ARHGAP26: variants seen among roughly 807,000 people sequenced by gnomAD.
ARHGAP26 encodes the protein Rho GTPase activating protein 26, also known as rho GTPase-activating protein 26.
A neutral mutation model predicts 104.8 loss-of-function variants in ARHGAP26; 38 were observed. The ratio of observed to expected loss-of-function variants is 0.36; its 90% CI spans 0.28 to 0.48. ARHGAP26 has a LOEUF of 0.48. Among genes scored for constraint, ARHGAP26 ranks in the 20% least tolerant of loss-of-function variants. The pLI is 0.99. For missense variants in ARHGAP26, 704 were observed against 947.9 expected, an observed-to-expected ratio of 0.74 and a Z score of 3.38; for synonymous variants, 341 against 340.0, an observed-to-expected ratio of 1.00 and a Z score of -0.03.
intron 20 of ARHGAP26, among the ~76,000 whole-genome samples, chr5:143,192,284 C>T (rs1806054701): frequency 6.6e-6 from 1 of 152,086 alleles, no homozygotes; most frequent in Admixed American, 6.6e-5. Context: ...CTTTGAGTGG[C>T]GGATGAGCAG....
At chr5:142,869,152 A>G (rs1044634572) in intron 1 of ARHGAP26, among the ~76,000 whole-genome samples, 2 of 150,248 alleles carry the variant, frequency 1.3e-5, no homozygotes, top group Non-Finnish European at 3.0e-5. Context: ...AACCTCAATG[A>G]TGGCCTTTCT....
intron 1 of ARHGAP26, among the ~76,000 whole-genome samples, chr5:142,814,231 CA>C (rs1304340832): frequency 6.6e-6 from 1 of 152,248 alleles, no homozygotes; most frequent in Admixed American, 6.5e-5. Context: ...AGAACTTTGT[CA>C]AGAGTTGGGA....
rs258792 is a variant in ARHGAP26 at position 143,161,580 on chromosome 5, A to G, written c.1988+14199A>G. 8.6e-3 allele frequency among the ~76,000 whole-genome samples: 1,314 copies of G among 152,162 alleles called. 28 individuals carry two copies. Among genetic ancestry groups the G allele is most frequent in the African/African-American group, 0.031 (1,271 of 41,514 alleles). ...CTTAACTCCTGACCTTTATGGAGAT[A>G]TACTAGAGTTACTCAATAATAATTA... On this transcript the variant is annotated intron_variant, in intron 20 of 22. Transcript: ENST00000645722.
chr5:142,775,000 G>A lies in ARHGAP26; in HGVS notation c.154+4085G>A, dbSNP rs142472218. On this transcript the variant is annotated intron_variant, in intron 1 of 22. Transcript: ENST00000645722. Reference sequence around the variant, plus strand: ...TCATCTATTGAAGGACATTTTGGTCGTTTCCAAGTTTTATCAATTATGAAT... The same window carrying A: ...TCATCTATTGAAGGACATTTTGGTCATTTCCAAGTTTTATCAATTATGAAT... Among the ~76,000 whole-genome samples the A allele has an allele frequency of 2.9e-3, 446 of 151,946 alleles. 4 individuals carry two copies. Among genetic ancestry groups the A allele is most frequent in the African/African-American group, 0.01 (423 of 41,410 alleles).
chr5:143,063,516 G>T (rs1042693913), intron 17 of ARHGAP26, among the ~76,000 whole-genome samples: 1 of 152,226 alleles, frequency 6.6e-6, no homozygotes, highest in Non-Finnish European at 1.5e-5. Flanking sequence ...GTCTGGACCA[G>T]ACGTTTTTGG....
chr5:143,014,152 G>T, intron 12 of ARHGAP26, 36 bp downstream of exon 12: 15 of 1,612,768 alleles, frequency 9.3e-6, no homozygotes, highest in Non-Finnish European at 1.3e-5. Flanking sequence ...CTACAGCCAG[G>T]GTTGGGAGTA....
chr5:142,905,644 T>C (rs1014766327), intron 8 of ARHGAP26, among the ~76,000 whole-genome samples: 8 of 152,218 alleles, frequency 5.3e-5, no homozygotes, highest in Admixed American at 4.6e-4. Flanking sequence ...GCATATACCA[T>C]GCTTCTTCAG....
chr5:142,890,187 T>A lies in ARHGAP26; in HGVS notation c.487-4051T>A, dbSNP rs1474143394. Among the ~76,000 whole-genome samples the A allele has an allele frequency of 1.5e-4, 17 of 116,758 alleles. No homozygotes were observed. The South Asian group carries it at 1.9e-3, about 13-fold the overall frequency. The allele number at this position is 116,758 out of a possible 152,430, so 76.6% of individuals were successfully genotyped here. A position where few individuals can be genotyped will look rare whatever the true frequency, so the allele number is the denominator to read the frequency against. On this transcript the variant is annotated intron_variant, in intron 5 of 22. Coordinates refer to ENST00000645722, the MANE Select transcript of ARHGAP26 (RefSeq NM_001135608.3). The stretch of plus-strand genomic sequence containing the variant: ...ATATATATATATATATATATATATA[T>A]ATATATATATGAAAGTGCATTGCAT...
chr5:142,829,140 G>C lies in ARHGAP26; in HGVS notation c.155-44260G>C, dbSNP rs987427313. On this transcript the variant is annotated intron_variant, in intron 1 of 22. Transcript: ENST00000645722. ...AAGGAGAGGAGGCTTTGAGATTTCTGTAACCTTTCTGTCCTCTAGATTTCT... is the reference window on the plus strand; with the variant it reads ...AAGGAGAGGAGGCTTTGAGATTTCTCTAACCTTTCTGTCCTCTAGATTTCT... 7.2e-5 allele frequency among the ~76,000 whole-genome samples: 11 copies of C among 152,202 alleles called. No homozygotes were observed. In the East Asian group the frequency reaches 2.1e-3, roughly 29 times the overall value.
At chr5:142,983,203 A>G (rs1774207953) in intron 11 of ARHGAP26, among the ~76,000 whole-genome samples, 2 of 150,898 alleles carry the variant, frequency 1.3e-5, no homozygotes, top group Non-Finnish European at 1.5e-5. Flanking sequence ...TAAAGATGCT[A>G]TGCTGGTTCG....
intron 17 of ARHGAP26, among the ~76,000 whole-genome samples, chr5:143,067,789 G>T (rs1787712940): frequency 6.6e-6 from 1 of 152,122 alleles, no homozygotes; most frequent in African/African-American, 2.4e-5. Context: ...GAGAAAATGG[G>T]GCACCCTAGG....
chr5:143,054,533 A>T lies in ARHGAP26; in HGVS notation c.1373+7A>T. ...CTCTGAAGACCTACCTAAGGTAGGG[A>T]CTTTCCATTTGCAAGGCAGAGTGCC... On this transcript the variant is annotated splice_region_variant and intron_variant, in intron 15 of 22. Transcript: ENST00000645722. The T allele has an allele frequency of 6.3e-7, 1 of 1,587,758 alleles. No individual in the cohort carries two copies. The highest frequency in any genetic ancestry group is 8.6e-7 in the Non-Finnish European group (1 of 1,160,704).
chr5:143,121,348 A>ACAACAG (rs754864703), intron 18 of ARHGAP26, among the ~76,000 whole-genome samples: 10 of 152,192 alleles, frequency 6.6e-5, no homozygotes, highest in Non-Finnish European at 1.3e-4. Flanking sequence ...AGTTACAATG[A>ACAACAG]CAACAGCCAT....
At chr5:143,030,992 T>TG (rs1213281731) in intron 12 of ARHGAP26, among the ~76,000 whole-genome samples, 1 of 152,184 alleles carries the variant, frequency 6.6e-6, no homozygotes, top group African/African-American at 2.4e-5. Context: ...GAGTGCACAA[T>TG]GGGGGCTTTA....
Position 142,875,132 on chromosome 5 carries a change from C to T in ARHGAP26, c.273C>T (p.Ala91=), listed in dbSNP as rs774671486. Residue 91 remains alanine (A), a synonymous_variant, in exon 3 of 23, where the codon GCC becomes GCT. Coordinates refer to ENST00000645722, the MANE Select transcript of ARHGAP26 (RefSeq NM_001135608.3). ...MCIARSLQEF[A]TVLRNLEDER... is the part of the protein sequence containing the mutation. ...CAGCAAGATCTTTGCAGGAGTTTGC[C>T]ACTGTCCTCAGGAATCTTGAAGATG... 1 of 1,614,140 alleles carries T rather than the reference C, an allele frequency of 6.2e-7. No homozygotes were observed. The highest frequency in any genetic ancestry group is 1.7e-5 in the Admixed American group (1 of 60,022).
chr5:142,842,095 A>T (rs1332525323), intron 1 of ARHGAP26, among the ~76,000 whole-genome samples: 1 of 152,130 alleles, frequency 6.6e-6, no homozygotes, highest in African/African-American at 2.4e-5. Context: ...TTTGGTTCAG[A>T]TTATTTTGAT....
At chr5:142,853,211 G>T (rs189976384) in intron 1 of ARHGAP26, among the ~76,000 whole-genome samples, 35 of 152,134 alleles carry the variant, frequency 2.3e-4, no homozygotes, top group African/African-American at 7.5e-4. Context: ...TTGAGACAGG[G>T]TCTTCTTTTG....
intron 20 of ARHGAP26, among the ~76,000 whole-genome samples, chr5:143,201,651 T>C (rs1204037617): frequency 3.3e-5 from 5 of 152,336 alleles, no homozygotes; most frequent in African/African-American, 1.2e-4. Context: ...ATAATAACCA[T>C]CCCTGTGCGT....
At chr5:143,039,081 G>A (rs1402827428) in intron 13 of ARHGAP26, among the ~76,000 whole-genome samples, 1 of 152,038 alleles carries the variant, frequency 6.6e-6, no homozygotes, top group African/African-American at 2.4e-5. Context: ...TGGTCATATT[G>A]CACAGGTTTC....
Sources: gnomAD v4.1 joint callset for allele counts (sites outside exome capture counted in the v4.1 genomes callset) on GRCh38, gnomAD v4.1.1 for gene constraint, MANE v1.5 for transcripts, NCBI Gene and HGNC (gene_info 2026-07-23, HGNC 2026-07-21) for gene names.